Variants in XKR9 observed in about 807,000 individuals in gnomAD.
XKR9 encodes XK related 9.
A neutral mutation model predicts 32.0 loss-of-function variants in XKR9; 32 were observed. The observed-to-expected ratio is 1.00, with a 90% CI of 0.76 to 1.34. XKR9 has a LOEUF of 1.34. Among genes scored for constraint, XKR9 ranks in the 40% most tolerant of loss-of-function variants. The pLI is 0.00. For synonymous variants in XKR9, 168 were observed against 143.4 expected, an observed-to-expected ratio of 1.17 and a Z score of -1.22; for missense variants, 546 against 429.7, an observed-to-expected ratio of 1.27 and a Z score of -2.39.
intron 2 of XKR9, among the ~76,000 whole-genome samples, chr8:70,675,200 G>A (rs1818843032): frequency 6.6e-6 from 1 of 152,168 alleles, no homozygotes; most frequent in South Asian, 2.1e-4. Context: ...GCTGAGGTGG[G>A]TGGGTCACTT....
intron 2 of XKR9, among the ~76,000 whole-genome samples, chr8:70,779,027 G>C (rs1807575512): frequency 6.6e-6 from 1 of 151,980 alleles, no homozygotes; most frequent in Admixed American, 6.6e-5. Context: ...GTCTTGCACT[G>C]GTTTTCAAAG....
the XKR9 span, among the ~76,000 whole-genome samples, chr8:70,989,929 A>C: frequency 6.6e-6 from 1 of 152,234 alleles, no homozygotes. Context: ...CAGTGGAATC[A>C]CACAATATTT....
the XKR9 span, among the ~76,000 whole-genome samples, chr8:70,906,866 A>T: frequency 1.3e-5 from 2 of 152,114 alleles, no homozygotes; most frequent in Admixed American, 6.5e-5. Context: ...TAATATTAAA[A>T]TTTTTAAATT....
intron 2 of XKR9, among the ~76,000 whole-genome samples, chr8:70,771,421 G>A (rs1189645167): frequency 6.6e-6 from 1 of 152,104 alleles, no homozygotes; most frequent in Non-Finnish European, 1.5e-5. Context: ...TTATTGACTT[G>A]AAATTTTTAT....
At chr8:70,986,309 T>C in the XKR9 span, among the ~76,000 whole-genome samples, 2 of 152,222 alleles carry the variant, frequency 1.3e-5, no homozygotes, top group African/African-American at 2.4e-5. Flanking sequence ...AACTATAATT[T>C]TTATTTTCCT....
At chr8:70,982,844 T>C in the XKR9 span, among the ~76,000 whole-genome samples, 1 of 152,334 alleles carries the variant, frequency 6.6e-6, no homozygotes, top group African/African-American at 2.4e-5. Context: ...ATCTGAATCA[T>C]CTCTCTATTT....
At chr8:70,874,737 G>A in the XKR9 span, among the ~76,000 whole-genome samples, 1 of 152,190 alleles carries the variant, frequency 6.6e-6, no homozygotes, top group Non-Finnish European at 1.5e-5. Context: ...CTCGTGTAAT[G>A]TCAATAAGAT....
chr8:70,845,046 C>T, the XKR9 span, among the ~76,000 whole-genome samples: 4 of 152,190 alleles, frequency 2.6e-5, no homozygotes, highest in Admixed American at 2.6e-4. Context: ...ACAGGCATGC[C>T]TGGCCCACTG....
chr8:70,764,964 T>C (rs1280538318), intron 2 of XKR9, among the ~76,000 whole-genome samples: 1 of 152,246 alleles, frequency 6.6e-6, no homozygotes, highest in Non-Finnish European at 1.5e-5. Context: ...GGTGTATAAA[T>C]GTCACATTTT....
At chr8:70,804,538 C>T in the XKR9 span, among the ~76,000 whole-genome samples, 4 of 152,196 alleles carry the variant, frequency 2.6e-5, no homozygotes, top group East Asian at 5.8e-4. Context: ...TGTTACATCA[C>T]TGTTATTAGA....
the XKR9 span, among the ~76,000 whole-genome samples, chr8:71,005,376 C>G: frequency 1.3e-5 from 2 of 151,764 alleles, no homozygotes; most frequent in Non-Finnish European, 2.9e-5. Flanking sequence ...GTGCCCACCA[C>G]CACACCCAGC....
chr8:70,686,979 T>G (rs1045252261), intron 3 of XKR9, among the ~76,000 whole-genome samples: 21 of 152,226 alleles, frequency 1.4e-4, no homozygotes, highest in African/African-American at 5.1e-4. Flanking sequence ...AATTTCACTC[T>G]TAGTTATTTA....
intron 2 of XKR9, among the ~76,000 whole-genome samples, chr8:70,677,041 G>A (rs1818909438): frequency 6.6e-6 from 1 of 152,056 alleles, no homozygotes; most frequent in East Asian, 1.9e-4. Context: ...TAACTATTGT[G>A]TTTTAGTCAA....
chr8:70,746,902 A>T (rs1807066400), intron 2 of XKR9, among the ~76,000 whole-genome samples: 1 of 151,744 alleles, frequency 6.6e-6, no homozygotes, highest in South Asian at 2.1e-4. Flanking sequence ...TAAATTTTCA[A>T]CCCTTGCCCT....
intron 2 of XKR9, among the ~76,000 whole-genome samples, chr8:70,774,821 C>G (rs1807497961): frequency 6.6e-6 from 1 of 152,098 alleles, no homozygotes; most frequent in African/African-American, 2.4e-5. Flanking sequence ...ATATTGCAAG[C>G]CCTGCAACTT....
chr8:70,829,777 A>T, the XKR9 span, among the ~76,000 whole-genome samples: 1 of 152,124 alleles, frequency 6.6e-6, no homozygotes, highest in African/African-American at 2.4e-5. Flanking sequence ...TACTTTACCA[A>T]CTTACGTTCC....
At chr8:71,003,548 T>G in the XKR9 span, among the ~76,000 whole-genome samples, 2 of 152,148 alleles carry the variant, frequency 1.3e-5, no homozygotes, top group African/African-American at 4.8e-5. Flanking sequence ...CTGGCTAGTG[T>G]TTGGCCAAGT....
the XKR9 span, among the ~76,000 whole-genome samples, chr8:70,934,902 A>G: frequency 6.6e-6 from 1 of 151,714 alleles, no homozygotes; most frequent in African/African-American, 2.4e-5. Flanking sequence ...ATTTACTTAG[A>G]TATAGGTTTC....
the XKR9 span, among the ~76,000 whole-genome samples, chr8:70,917,554 G>T: frequency 3.3e-5 from 5 of 152,008 alleles, no homozygotes; most frequent in South Asian, 4.1e-4. Flanking sequence ...TTAATGATGG[G>T]CTTATCAGGA....
Sources: allele counts gnomAD v4.1 joint callset (sites outside exome capture counted in the v4.1 genomes callset), GRCh38; gene constraint gnomAD v4.1.1; transcripts MANE v1.5; gene names NCBI Gene and HGNC (gene_info 2026-07-23, HGNC 2026-07-21).